Variants in CSMD3 observed in about 807,000 individuals in gnomAD.
CSMD3 encodes the protein CUB and Sushi multiple domains 3.
CSMD3 carries 177 observed loss-of-function variants against 435.2 expected under a neutral mutation model. The observed-to-expected ratio is 0.41, with a 90% CI of 0.36 to 0.46. The LOEUF is 0.46. Ranked by LOEUF, CSMD3 falls within the 20% of genes least tolerant of loss-of-function variation. CSMD3 has a pLI of 0.34. For synonymous variants in CSMD3, 1,656 were observed against 1,520.5 expected (o/e 1.09, Z -2.07); for missense variants, 4,265 against 4,504.6 (o/e 0.95, Z 1.52).
chr8:112,567,951 A>G (rs1254678459), intron 24 of CSMD3, among the ~76,000 whole-genome samples: 1 of 152,174 alleles, frequency 6.6e-6, no homozygotes, highest in African/African-American at 2.4e-5. Flanking sequence ...ATTATGTCTC[A>G]TTCGGATATT....
rs563077320 is a variant in CSMD3, at chr8:113,277,200, C to T, written c.514+1392G>A. Among the ~76,000 whole-genome samples the T allele has an allele frequency of 2.6e-5, 4 of 152,048 alleles. No homozygotes were observed. The South Asian group carries it at 8.3e-4, about 32-fold the overall frequency. On this transcript the variant is annotated intron_variant, in intron 3 of 70. Coordinates refer to ENST00000297405, the MANE Select transcript of CSMD3 (RefSeq NM_198123.2). ...GCCAAAATTATACCTTAAAATTAAA[C>T]TTTGTGGTTATAGTGTTTTAAACTA... is the stretch of plus-strand genomic sequence containing the variant.
chr8:113,332,941 T>C (rs755502315), intron 1 of CSMD3, among the ~76,000 whole-genome samples: 1 of 151,722 alleles, frequency 6.6e-6, no homozygotes, highest in Non-Finnish European at 1.5e-5. Context: ...ATAAGATTAA[T>C]TGAATAAAAT....
chr8:112,404,114 A>G (rs1831564491), intron 35 of CSMD3, among the ~76,000 whole-genome samples: 1 of 152,210 alleles, frequency 6.6e-6, no homozygotes, highest in Non-Finnish European at 1.5e-5. Flanking sequence ...ATGACCAACC[A>G]TCCTTCCTAG....
At chr8:112,997,584 T>C (rs1470950844) in intron 6 of CSMD3, among the ~76,000 whole-genome samples, 2 of 151,600 alleles carry the variant, frequency 1.3e-5, no homozygotes, top group African/African-American at 4.8e-5. Flanking sequence ...GAGAATTTGA[T>C]GGTCAAGGAG....
At chr8:113,245,595 C>A (rs955805538) in intron 3 of CSMD3, among the ~76,000 whole-genome samples, 3 of 151,914 alleles carry the variant, frequency 2.0e-5, no homozygotes, top group Non-Finnish European at 4.4e-5. Context: ...ACATTATATG[C>A]CCATTAACAG....
chr8:113,262,899 T>C (rs2093438563), intron 3 of CSMD3, among the ~76,000 whole-genome samples: 1 of 152,068 alleles, frequency 6.6e-6, no homozygotes, highest in African/African-American at 2.4e-5. Context: ...CTCAGACTTC[T>C]AACCTACAAA....
chr8:112,315,030 T>C (rs1822335797), intron 47 of CSMD3, among the ~76,000 whole-genome samples: 1 of 151,874 alleles, frequency 6.6e-6, no homozygotes, highest in African/African-American at 2.4e-5. Context: ...AACCTTCTAC[T>C]CACTCAGGTG....
chr8:112,226,174 G>T (rs1335024678), intron 70 of CSMD3, among the ~76,000 whole-genome samples: 1 of 151,950 alleles, frequency 6.6e-6, no homozygotes, highest in Non-Finnish European at 1.5e-5. Context: ...GATAATAATT[G>T]TAAAAGAAAC....
chr8:112,304,170 TA>T (rs1311919826), intron 52 of CSMD3, among the ~76,000 whole-genome samples: 6 of 152,314 alleles, frequency 3.9e-5, no homozygotes, highest in African/African-American at 1.4e-4. Flanking sequence ...GTCATACCAT[TA>T]AATGTTTGCA....
rs771901615 is a variant in CSMD3, at chr8:112,390,777, C to T, written c.5821G>A (p.Gly1941Arg). Residue 1941 changes from glycine to arginine, a missense_variant, in exon 36 of 71, where the codon GGA (glycine) becomes AGA (arginine). This residue lies in a region of CSMD3 where 3,255 missense variants were observed against 3,380.2 expected (regional missense o/e 0.96). Coordinates refer to ENST00000297405, the MANE Select transcript of CSMD3 (RefSeq NM_198123.2). ...GTCCCTTTGCGCTTAGTTAAAATTC[C>T]ACCACAGGGCACTGAAAATAAAGCA... ...SLPTCIVPCGGILTKRKGTIL... is the reference protein window; with the variant it reads ...SLPTCIVPCGRILTKRKGTIL... 20 of 1,613,478 alleles carry T rather than the reference C, an allele frequency of 1.2e-5. No individual in the cohort carries two copies. The highest frequency in any genetic ancestry group is 5.5e-5 in the South Asian group (5 of 91,068).
At chr8:112,712,912 G>T (rs1174889163) in intron 13 of CSMD3, among the ~76,000 whole-genome samples, 3 of 152,090 alleles carry the variant, frequency 2.0e-5, no homozygotes, top group African/African-American at 7.2e-5. Flanking sequence ...GGGGAAGCTG[G>T]TTATTAGTCT....
chr8:112,419,891 A>T (rs1260505761), intron 32 of CSMD3, among the ~76,000 whole-genome samples: 1 of 152,210 alleles, frequency 6.6e-6, no homozygotes, highest in East Asian at 1.9e-4. Flanking sequence ...ATAAAGAAAA[A>T]CACAATAAGC....
At chr8:112,765,807 C>A (rs1217860151) in intron 13 of CSMD3, among the ~76,000 whole-genome samples, 1 of 151,692 alleles carries the variant, frequency 6.6e-6, no homozygotes, top group Admixed American at 6.6e-5. Context: ...TCGGAAAGAT[C>A]TCCTAGGTAT....
chr8:112,408,978 A>C lies in CSMD3; in HGVS notation c.5450T>G (p.Val1817Gly). The C allele has an allele frequency of 1.2e-6, 2 of 1,613,630 alleles. No homozygotes were observed. The highest frequency in any genetic ancestry group is 1.7e-6 in the Non-Finnish European group (2 of 1,179,700). ...FQTSLHDVVE[V>G]YDGPTQQSSL... ...AGATTGCTGAGTTGGCCCATCATAC[A>C]CCTCAACAACATCGTGGAGTGATGT... The change falls in exon 33 of 71, where the codon GTG becomes GGG. Residue 1817 changes from valine (V) to glycine (G), a missense_variant. This residue lies in a region of CSMD3 where 3,255 missense variants were observed against 3,380.2 expected (regional missense o/e 0.96). Coordinates refer to ENST00000297405, the MANE Select transcript of CSMD3 (RefSeq NM_198123.2).
chr8:112,524,187 G>T (rs1307424021), intron 27 of CSMD3, among the ~76,000 whole-genome samples: 1 of 151,788 alleles, frequency 6.6e-6, no homozygotes, highest in African/African-American at 2.4e-5. Context: ...TACAGTCAAT[G>T]ATATAATTTT....
intron 45 of CSMD3, among the ~76,000 whole-genome samples, chr8:112,326,641 C>G (rs1563793533): frequency 6.6e-6 from 1 of 152,196 alleles, no homozygotes; most frequent in African/African-American, 2.4e-5. Context: ...ACGTGACCTT[C>G]CTCACAATGG....
In CSMD3 at chr8:112,666,298, G is replaced by C. The variant is rs1235107550; in HGVS notation, c.2795C>G (p.Ser932Cys). 2 of 1,611,552 alleles carry C rather than the reference G, an allele frequency of 1.2e-6. No individual in the cohort carries two copies. Among genetic ancestry groups the C allele is most frequent in the Non-Finnish European group, 1.7e-6 (2 of 1,178,372 alleles). ...AGACCTTTCAAATGTAATTTTGATA[G>C]AGTGTCCAGGTTCAGCTTCAATCAC... ...EWVIEAEPGH[S>C]IKITFERFQT... The change falls in exon 17 of 71, where the codon TCT becomes TGT. Residue 932 changes from serine to cysteine, a missense_variant. Ser to Cys is a moderately radical substitution (Grantham distance 112, BLOSUM62 -1). Transcript: ENST00000297405.
chr8:112,896,541 T>C (rs1462186529), intron 10 of CSMD3, among the ~76,000 whole-genome samples: 1 of 140,998 alleles, frequency 7.1e-6, no homozygotes, highest in Non-Finnish European at 1.5e-5. Flanking sequence ...CAGTACCACC[T>C]TATTTAATCC....
At chr8:112,452,075 T>C (rs1252984428) in intron 32 of CSMD3, among the ~76,000 whole-genome samples, 3 of 152,182 alleles carry the variant, frequency 2.0e-5, no homozygotes, top group Non-Finnish European at 4.4e-5. Flanking sequence ...CATACTGCCA[T>C]AAAGCCTTCA....
Sources: gnomAD v4.1 joint callset for allele counts (sites outside exome capture counted in the v4.1 genomes callset) on GRCh38, gnomAD v4.1.1 for gene constraint, gnomAD v4.1.1 regional missense constraint, MANE v1.5 for transcripts, NCBI Gene and HGNC (gene_info 2026-07-23, HGNC 2026-07-21) for gene names.